RPS6KA2: variants seen among roughly 807,000 people sequenced by gnomAD.
The protein encoded by RPS6KA2 is ribosomal protein S6 kinase alpha-2.
In RPS6KA2, 42 loss-of-function variants were observed where a neutral mutation model predicts 91.8. The ratio of observed to expected loss-of-function variants is 0.46; its 90% CI spans 0.36 to 0.59. The LOEUF (loss-of-function observed/expected upper bound fraction) is 0.59, where lower values mean the gene tolerates loss of function less well. Among genes scored for constraint, RPS6KA2 ranks in the 20% least tolerant of loss-of-function variants. The pLI, the probability that RPS6KA2 is intolerant of heterozygous loss-of-function variation, is 0.00. For synonymous variants in RPS6KA2, 414 were observed against 393.6 expected (o/e 1.05, Z -0.61); for missense variants, 798 against 978.5 (o/e 0.82, Z 2.46).
intron 2 of RPS6KA2, among the ~76,000 whole-genome samples, chr6:166,667,542 G>A (rs937958616): frequency 5.9e-5 from 9 of 152,140 alleles, no homozygotes; most frequent in East Asian, 1.9e-4. Context: ...TGTACAGGCC[G>A]GATTTCATGT....
intron 2 of RPS6KA2, among the ~76,000 whole-genome samples, chr6:166,834,413 AAGAC>A (rs78264040): frequency 0.13 from 19,315 of 152,128 alleles, 1,409 homozygotes; most frequent in East Asian, 0.27. Context: ...AAATGATGAG[AAGAC>A]ATGGACACAA....
chr6:166,806,012 G>C (rs1186153629), intron 2 of RPS6KA2, among the ~76,000 whole-genome samples: 2 of 152,150 alleles, frequency 1.3e-5, no homozygotes, highest in African/African-American at 2.4e-5. Flanking sequence ...GCAGATTTAA[G>C]CAGGCAGAAA....
intron 1 of RPS6KA2, among the ~76,000 whole-genome samples, chr6:166,599,435 G>A (rs972001408): frequency 1.5e-4 from 23 of 152,182 alleles, no homozygotes; most frequent in African/African-American, 5.5e-4. Flanking sequence ...ATGACTGGCA[G>A]ATTAATAGCT....
chr6:166,411,107 A>G lies in RPS6KA2; in HGVS notation c.*1655T>C, dbSNP rs1232397769. ...TTATGTTTTGTGGTTCTCTAAGAAA[A>G]AAAAAATCCACATGGATTAAAGCTT... On this transcript the variant is annotated 3_prime_UTR_variant, in exon 21 of 21. Transcript: ENST00000265678. This position sits in a 1 kb window ranked among gnomAD's most constrained non-coding sequence, Gnocchi z 4.5. 6.6e-6 allele frequency: 1 copy of G among 152,220 alleles called. No homozygotes were observed. The highest frequency in any genetic ancestry group is 1.5e-5 in the Non-Finnish European group (1 of 68,026). The allele number at this position is 152,220 out of a possible 1,614,324, so 9.4% of individuals were successfully genotyped here. A position where few individuals can be genotyped will look rare whatever the true frequency, so the allele number is the denominator to read the frequency against.
intron 2 of RPS6KA2, among the ~76,000 whole-genome samples, chr6:166,731,841 T>G (rs1469090261): frequency 6.6e-6 from 1 of 152,050 alleles, no homozygotes; most frequent in Non-Finnish European, 1.5e-5. Flanking sequence ...GGCGGTCCCA[T>G]GGAACCTCTC....
At position 166,484,433 on chromosome 6, in the gene RPS6KA2, C is replaced by T. The variant is rs543240002; in HGVS notation, c.907+4400G>A. Among the ~76,000 whole-genome samples, 317 of 152,330 alleles carry T rather than the reference C, an allele frequency of 2.1e-3. 1 individual carries two copies. The highest frequency in any genetic ancestry group is 7.3e-3 in the African/African-American group (302 of 41,566). On this transcript the variant is annotated intron_variant, in intron 10 of 20. Transcript: ENST00000265678. ...GATGCTTGTTCTCCTGCCTTCCTTA[C>T]GGTGCCATATGTCACGAGTGCCATG...
chr6:166,437,314 G>A lies in RPS6KA2; in HGVS notation c.1333-4824C>T, dbSNP rs111879153. On this transcript the variant is annotated intron_variant, in intron 14 of 20. Coordinates refer to ENST00000265678, the MANE Select transcript of RPS6KA2 (RefSeq NM_021135.6). This position sits in a 1 kb window ranked among gnomAD's most constrained non-coding sequence, Gnocchi z 4.3. ...ATTAGAGCAAGCTCTGGTGGACGGC[G>A]TTCCTCATTCTGAGAATAATATTGT... 2.7e-4 allele frequency among the ~76,000 whole-genome samples: 41 copies of A among 152,286 alleles called. No homozygotes were observed. The highest frequency in any genetic ancestry group is 6.5e-4 in the African/African-American group (27 of 41,546).
intron 2 of RPS6KA2, among the ~76,000 whole-genome samples, chr6:166,853,136 G>A (rs560992616): frequency 2.2e-4 from 33 of 152,180 alleles, no homozygotes; most frequent in East Asian, 2.1e-3. Context: ...AAATCTAAGC[G>A]CTTTAAAAAT....
Position 166,490,976 on chromosome 6 carries a change from A to G in RPS6KA2, c.748-235T>C, listed in dbSNP as rs1268557362. On this transcript the variant is annotated intron_variant, in intron 8 of 20. Transcript: ENST00000265678. This position sits in a 1 kb window ranked among gnomAD's most constrained non-coding sequence, Gnocchi z 4.2. The stretch of plus-strand genomic sequence containing the variant: ...AATGACAGATGTGGTAGATAATCAC[A>G]CTCTGTGGCAGGCCAGCAGGCCCCG... 6.6e-6 allele frequency among the ~76,000 whole-genome samples: 1 copy of G among 152,120 alleles called. No individual in the cohort carries two copies. Among genetic ancestry groups the G allele is most frequent in the Non-Finnish European group, 1.5e-5 (1 of 68,034 alleles).
intron 1 of RPS6KA2, among the ~76,000 whole-genome samples, chr6:166,546,056 G>A (rs760598656): frequency 2.0e-5 from 3 of 152,172 alleles, no homozygotes; most frequent in Admixed American, 6.5e-5. Flanking sequence ...GGGTGTTGGT[G>A]TCTGACACGG....
chr6:166,571,797 G>A (rs987096539), intron 1 of RPS6KA2, among the ~76,000 whole-genome samples: 1 of 151,990 alleles, frequency 6.6e-6, no homozygotes, highest in Non-Finnish European at 1.5e-5. Context: ...CAGCTTGAAC[G>A]GCCTCTGGAA....
chr6:166,820,720 T>C (rs2128623065), intron 2 of RPS6KA2, among the ~76,000 whole-genome samples: 1 of 152,328 alleles, frequency 6.6e-6, no homozygotes, highest in Admixed American at 6.5e-5. Context: ...TATATGAATA[T>C]AACACACATT....
At chr6:166,716,053 AAAAAAAAAGAAG>A in intron 2 of RPS6KA2, among the ~76,000 whole-genome samples, 2 of 98,108 alleles carry the variant, frequency 2.0e-5, no homozygotes, top group Admixed American at 1.2e-4. Context: ...AAAAAAAAAA[AAAAAAAAAGAAG>A]GAAAGAAAGA....
At position 166,592,173 on chromosome 6, in the gene RPS6KA2, TAG is replaced by T. The variant is rs1368563433; in HGVS notation, c.99+34746_99+34747del. On this transcript the variant is annotated intron_variant, in intron 1 of 20. Coordinates refer to ENST00000265678, the MANE Select transcript of RPS6KA2 (RefSeq NM_021135.6). Reference sequence around the variant, plus strand: ...AAAGAGAAAGACTTCTCGAGGGAACTAGAGAGTCACATATTATAAATAGTAGC... The same window carrying T: ...AAAGAGAAAGACTTCTCGAGGGAACTAGAGTCACATATTATAAATAGTAGC... Among the ~76,000 whole-genome samples the T allele has an allele frequency of 7.9e-5, 12 of 152,286 alleles. No individual in the cohort carries two copies. The East Asian group carries it at 2.3e-3, about 29-fold the overall frequency.
intron 1 of RPS6KA2, among the ~76,000 whole-genome samples, chr6:166,585,624 C>T (rs1249603342): frequency 2.1e-5 from 1 of 48,380 alleles, no homozygotes; most frequent in Admixed American, 2.8e-4. Flanking sequence ...AGTCACTTAA[C>T]AAATGCAAAA....
At chr6:166,466,400 G>A (rs756712973) in intron 11 of RPS6KA2, among the ~76,000 whole-genome samples, 17 of 152,260 alleles carry the variant, frequency 1.1e-4, no homozygotes, top group Non-Finnish European at 1.8e-4. Flanking sequence ...GTCTTAGCAA[G>A]TGCGTAAGCC....
At chr6:166,420,952 G>A (rs949432597) in intron 17 of RPS6KA2, among the ~76,000 whole-genome samples, 8 of 152,142 alleles carry the variant, frequency 5.3e-5, no homozygotes, top group East Asian at 1.9e-4. Flanking sequence ...ATTAAATATC[G>A]AGTCGGGAGA....
intron 2 of RPS6KA2, among the ~76,000 whole-genome samples, chr6:166,805,782 C>A (rs1460277226): frequency 1.3e-5 from 2 of 152,070 alleles, no homozygotes; most frequent in African/African-American, 4.8e-5. Context: ...AAACCAAAAA[C>A]TGTCCCTGAA....
intron 1 of RPS6KA2, among the ~76,000 whole-genome samples, chr6:166,572,923 G>T (rs896796092): frequency 6.6e-6 from 1 of 152,268 alleles, no homozygotes; most frequent in Non-Finnish European, 1.5e-5. Flanking sequence ...CAGGAATGCA[G>T]CTCATGAGGT....
Sources: gnomAD v4.1 joint callset for allele counts (sites outside exome capture counted in the v4.1 genomes callset) on GRCh38, gnomAD v4.1.1 for gene constraint, Gnocchi (gnomAD v3.1) non-coding constraint, MANE v1.5 for transcripts, NCBI Gene and HGNC (gene_info 2026-07-23, HGNC 2026-07-21) for gene names.